The following TESC variants were observed in gnomAD, a reference collection of about 807,000 sequenced individuals.
TESC encodes the protein tescalcin, also known as calcineurin B homologous protein 3.
Under a neutral mutation model 31.0 loss-of-function variants are expected in TESC, and 19 were observed. That is an observed-to-expected ratio of 0.61 (90% CI 0.43 to 0.90). TESC has a LOEUF of 0.90. TESC is among the 40% of genes least tolerant of loss of function. The probability of loss-of-function intolerance (pLI) is 0.00; values close to 1 mark genes in which losing one functional copy is unlikely to be tolerated. For missense variants in TESC, 248 were observed against 303.8 expected (o/e 0.82, Z 1.36); for synonymous variants, 109 against 114.8 (o/e 0.95, Z 0.32).
chr12:117,068,956 C>T (rs1252192834), intron 2 of TESC, among the ~76,000 whole-genome samples: 1 of 152,212 alleles, frequency 6.6e-6, no homozygotes, highest in Non-Finnish European at 1.5e-5. Context: ...TCTGTATTTT[C>T]TTCATTATTT....
intron 1 of TESC, among the ~76,000 whole-genome samples, chr12:117,095,748 C>T (rs757017608): frequency 1.6e-4 from 25 of 152,038 alleles, no homozygotes; most frequent in East Asian, 5.8e-4. Flanking sequence ...GGTGTGGTGG[C>T]GCACACCTGC....
rs577688313 is a variant in TESC, at chr12:117,081,812, G to A, written c.59-6472C>T. 9.6e-4 allele frequency among the ~76,000 whole-genome samples: 146 copies of A among 152,238 alleles called. 1 individual carries two copies. Among genetic ancestry groups the A allele is most frequent in the African/African-American group, 3.4e-3 (142 of 41,534 alleles). ...CCAACTACTCAGGAGGCTGAGGCAG[G>A]AGAATCACTTGAACCTGGGAGGTGG... On this transcript the variant is annotated intron_variant, in intron 1 of 7. Coordinates refer to ENST00000335209, the MANE Select transcript of TESC (RefSeq NM_017899.4).
At chr12:117,064,788 G>A (rs1954851282) in intron 2 of TESC, among the ~76,000 whole-genome samples, 1 of 152,166 alleles carries the variant, frequency 6.6e-6, no homozygotes, top group Non-Finnish European at 1.5e-5. Context: ...CTGAAGGAGG[G>A]GAGGTTCTCC....
chr12:117,042,888 G>A (rs1388083709), intron 6 of TESC, among the ~76,000 whole-genome samples: 4 of 152,176 alleles, frequency 2.6e-5, no homozygotes, highest in African/African-American at 9.7e-5. Context: ...TTACTGGAAC[G>A]CTAAGCTGTG....
At chr12:117,066,964 T>C (rs1430302917) in intron 2 of TESC, among the ~76,000 whole-genome samples, 1 of 152,212 alleles carries the variant, frequency 6.6e-6, no homozygotes, top group East Asian at 1.9e-4. Context: ...AGCTGCTTTT[T>C]GCCTCGGGAA....
At chr12:117,065,356 G>T (rs767971212) in intron 2 of TESC, among the ~76,000 whole-genome samples, 13 of 152,288 alleles carry the variant, frequency 8.5e-5, no homozygotes, top group South Asian at 2.1e-4. Context: ...GGTAGAAATG[G>T]CAGTGTTTGC....
At position 117,075,919 on chromosome 12, in the gene TESC, G is replaced by A. The variant is rs1438326389; in HGVS notation, c.59-579C>T. Among the ~76,000 whole-genome samples the A allele has an allele frequency of 4.2e-3, 378 of 89,138 alleles. 15 individuals are homozygous for A. Among genetic ancestry groups the A allele is most frequent in the African/African-American group, 0.024 (363 of 15,260 alleles). The allele number at this position is 89,138 out of a possible 152,430, so 58.5% of individuals were successfully genotyped here. The stretch of plus-strand genomic sequence containing the variant: ...TATATATATATATATATATATGTGT[G>A]TGTGTATATATATATATATATGTAT... On this transcript the variant is annotated intron_variant, in intron 1 of 7. Coordinates refer to ENST00000335209, the MANE Select transcript of TESC (RefSeq NM_017899.4).
Position 117,041,983 on chromosome 12 carries a change from C to T in TESC, c.531G>A (p.Gln177=), listed in dbSNP as rs1312211813. 6.3e-7 allele frequency: 1 copy of T among 1,596,052 alleles called. No individual in the cohort carries two copies. Among genetic ancestry groups the T allele is most frequent in the Non-Finnish European group, 8.5e-7 (1 of 1,170,960 alleles). Reference sequence around the variant, plus strand: ...CCTCGAAGGTGATCCCCTCGTACACCTGATCAGGCTCCTGGGGACGGAAGC... The same window carrying T: ...CCTCGAAGGTGATCCCCTCGTACACTTGATCAGGCTCCTGGGGACGGAAGC... The part of the protein sequence containing the change: ...SVCMGQMEPD[Q]VYEGITFEDF... Residue 177 remains glutamine (Q), a synonymous_variant, in exon 7 of 8, where the codon CAG becomes CAA. Coordinates refer to ENST00000335209, the MANE Select transcript of TESC (RefSeq NM_017899.4).
At chr12:117,063,103 A>G (rs907914812) in intron 2 of TESC, among the ~76,000 whole-genome samples, 2 of 151,688 alleles carry the variant, frequency 1.3e-5, no homozygotes, top group Admixed American at 1.3e-4. Context: ...ACACTTAATC[A>G]CCCCCACATA....
intron 6 of TESC, among the ~76,000 whole-genome samples, chr12:117,042,286 C>T (rs1217947228): frequency 6.6e-6 from 1 of 152,148 alleles, no homozygotes; most frequent in Admixed American, 6.5e-5. Context: ...TCCCTCCCCT[C>T]CCCCAGCCCC....
At chr12:117,041,921 G>A (rs1228235507) in intron 7 of TESC, 26 bp downstream of exon 7, 17 of 1,572,258 alleles carry the variant, frequency 1.1e-5, no homozygotes, top group Admixed American at 1.8e-5. Context: ...AGGGTCCCCC[G>A]AGGCTCCCAC....
intron 1 of TESC, 52 bp from the exon 2 acceptor site, chr12:117,075,392 C>T: frequency 1.3e-6 from 2 of 1,587,446 alleles, no homozygotes; most frequent in South Asian, 1.1e-5. Flanking sequence ...AAATCACTGA[C>T]TGTCAGAGGG....
intron 1 of TESC, among the ~76,000 whole-genome samples, chr12:117,087,193 C>A (rs951671877): frequency 3.9e-5 from 6 of 152,232 alleles, no homozygotes; most frequent in African/African-American, 1.4e-4. Flanking sequence ...TTAAAATTAA[C>A]CAAAGATGCA....
At chr12:117,085,773 A>G (rs1483377236) in intron 1 of TESC, among the ~76,000 whole-genome samples, 2 of 152,174 alleles carry the variant, frequency 1.3e-5, no homozygotes, top group Non-Finnish European at 2.9e-5. Context: ...CATCCCACTC[A>G]GCTGTCACCC....
chr12:117,092,853 A>G (rs1231744532), intron 1 of TESC, among the ~76,000 whole-genome samples: 2 of 152,196 alleles, frequency 1.3e-5, no homozygotes, highest in African/African-American at 2.4e-5. Context: ...TTTCTTACTG[A>G]GGCATGATTT....
chr12:117,066,373 A>ATT (rs55744717), intron 2 of TESC, among the ~76,000 whole-genome samples: 1,533 of 129,590 alleles, frequency 0.012, 36 homozygotes, highest in African/African-American at 0.042. Flanking sequence ...TGAATGGCTA[A>ATT]TTTTTTTTTT....
chr12:117,063,149 G>C (rs1201329117), intron 2 of TESC, among the ~76,000 whole-genome samples: 1 of 152,176 alleles, frequency 6.6e-6, no homozygotes. Flanking sequence ...CTATTTTACA[G>C]ACCAGAACAC....
chr12:117,075,195 C>T, intron 2 of TESC, 76 bp downstream of exon 2: 1 of 1,465,224 alleles, frequency 6.8e-7, no homozygotes, highest in African/African-American at 1.4e-5. Flanking sequence ...CTACTCAGCA[C>T]TCAAGAAAAG....
At chr12:117,095,030 A>G (rs539712186) in intron 1 of TESC, among the ~76,000 whole-genome samples, 28 of 139,808 alleles carry the variant, frequency 2.0e-4, no homozygotes, top group South Asian at 1.1e-3. Context: ...AAAAAAAAAA[A>G]AGAGAGAGAG....
Sources: gnomAD v4.1 joint callset for allele counts (sites outside exome capture counted in the v4.1 genomes callset) on GRCh38, gnomAD v4.1.1 for gene constraint, MANE v1.5 for transcripts, NCBI Gene and HGNC (gene_info 2026-07-23, HGNC 2026-07-21) for gene names.